The following WWOX variants were observed in gnomAD, a reference collection of about 807,000 sequenced individuals.
WWOX encodes WW domain-containing oxidoreductase.
Under a neutral mutation model 46.2 loss-of-function variants are expected in WWOX, and 69 were observed. That is an observed-to-expected ratio of 1.49 (90% CI 1.23 to 1.82). WWOX has a LOEUF of 1.82. Ranked by LOEUF, WWOX falls within the 40% of genes most tolerant of loss-of-function variation. WWOX has a pLI of 0.00. For synonymous variants in WWOX, 359 were observed against 202.6 expected (o/e 1.77, Z -6.56); for missense variants, 919 against 542.6 (o/e 1.69, Z -6.89).
rs531860162 is a variant in WWOX at position 78,538,259 on chromosome 16, G to A, written c.1056+105507G>A. On this transcript the variant is annotated intron_variant, in intron 8 of 8. Transcript: ENST00000566780. Reference sequence around the variant, plus strand: ...AAAAAAAAAAAAAGCGGGGCAAGGGGTTGGAGAATGTTCATATCACATTAT... The same window carrying A: ...AAAAAAAAAAAAAGCGGGGCAAGGGATTGGAGAATGTTCATATCACATTAT... Among the ~76,000 whole-genome samples, 8 of 143,842 alleles carry A rather than the reference G, an allele frequency of 5.6e-5. No individual in the cohort carries two copies. The South Asian group carries it at 1.7e-3, about 31-fold the overall frequency. 94.4% of individuals were successfully genotyped at this position (143,842 alleles called of 152,430 possible).
chr16:79,012,311 C>A (rs1181983457), intron 8 of WWOX, among the ~76,000 whole-genome samples: 2 of 152,086 alleles, frequency 1.3e-5, no homozygotes, highest in African/African-American at 4.8e-5. Flanking sequence ...CGACTCACTG[C>A]AACCTACACT....
At chr16:78,540,570 C>T (rs867980208) in intron 8 of WWOX, among the ~76,000 whole-genome samples, 14 of 152,074 alleles carry the variant, frequency 9.2e-5, no homozygotes, top group East Asian at 5.8e-4. Flanking sequence ...TGATATTTCC[C>T]GTGGGTCTCT....
intron 5 of WWOX, among the ~76,000 whole-genome samples, chr16:78,354,052 G>A (rs1437818716): frequency 6.6e-6 from 1 of 152,152 alleles, no homozygotes; most frequent in Non-Finnish European, 1.5e-5. Context: ...AGGGTATTAG[G>A]CAGCTTGTTT....
chr16:79,211,512 TGG>T, intron 8 of WWOX, 94 bp from the exon 9 acceptor site: 1 of 1,512,622 alleles, frequency 6.6e-7, no homozygotes, highest in South Asian at 1.2e-5. Flanking sequence ...CTGAACCAGG[TGG>T]GGGAGGCCTG....
intron 8 of WWOX, among the ~76,000 whole-genome samples, chr16:78,779,564 T>G (rs1022205608): frequency 6.6e-6 from 1 of 152,210 alleles, no homozygotes; most frequent in Non-Finnish European, 1.5e-5. Flanking sequence ...TTGTACAGAT[T>G]GTTTAACCCT....
intron 8 of WWOX, among the ~76,000 whole-genome samples, chr16:78,858,319 CAT>C (rs1045491396): frequency 6.2e-5 from 6 of 96,094 alleles, no homozygotes; most frequent in South Asian, 3.8e-4. Flanking sequence ...AATATGTAGT[CAT>C]ATATATATAT....
At chr16:79,177,722 A>G (rs12444578) in intron 8 of WWOX, among the ~76,000 whole-genome samples, 81,798 of 152,004 alleles carry the variant, frequency 0.54, 22,681 homozygotes, top group East Asian at 0.91. Flanking sequence ...AGCCTTACTT[A>G]TTCTTTTACA....
At chr16:78,400,856 C>G (rs1448166279) in intron 6 of WWOX, among the ~76,000 whole-genome samples, 1 of 152,220 alleles carries the variant, frequency 6.6e-6, no homozygotes, top group Non-Finnish European at 1.5e-5. Context: ...ATAGGGCTGG[C>G]TCTGTCACCC....
intron 8 of WWOX, among the ~76,000 whole-genome samples, chr16:78,849,569 C>G (rs1463186738): frequency 2.4e-5 from 2 of 82,124 alleles, no homozygotes; most frequent in African/African-American, 8.7e-5. Flanking sequence ...GCCTGAATCC[C>G]TCTCAAAAAA....
chr16:78,178,548 C>A (rs532811852), intron 5 of WWOX, among the ~76,000 whole-genome samples: 1 of 152,144 alleles, frequency 6.6e-6, no homozygotes, highest in Non-Finnish European at 1.5e-5. Context: ...CTTTCATACC[C>A]GGAATTCGCA....
intron 4 of WWOX, among the ~76,000 whole-genome samples, chr16:78,142,839 T>C (rs1022867879): frequency 1.3e-5 from 2 of 152,244 alleles, no homozygotes; most frequent in Non-Finnish European, 1.5e-5. Flanking sequence ...AGTAATTTAC[T>C]TAGAAACTGC....
At chr16:78,911,287 A>G (rs574860361) in intron 8 of WWOX, among the ~76,000 whole-genome samples, 31 of 152,164 alleles carry the variant, frequency 2.0e-4, no homozygotes, top group Admixed American at 5.9e-4. Context: ...TTGCTTGCCT[A>G]TGGGACATGT....
intron 6 of WWOX, among the ~76,000 whole-genome samples, chr16:78,424,120 GT>G (rs565162154): frequency 4.3e-4 from 46 of 108,060 alleles, no homozygotes; most frequent in Admixed American, 1.9e-3. Context: ...TTTTTTTTTT[GT>G]TTTTTTTTTT....
In WWOX at chr16:79,095,668, G is replaced by A. The variant is rs148982049; in HGVS notation, c.1057-115940G>A. ...TCTAACCTGGCAGGTTTTTCAACAT[G>A]GAACCATTATTTGTCACATGTGTTC... On this transcript the variant is annotated intron_variant, in intron 8 of 8. Coordinates refer to ENST00000566780, the MANE Select transcript of WWOX (RefSeq NM_016373.4). 9.9e-5 allele frequency among the ~76,000 whole-genome samples: 15 copies of A among 152,176 alleles called. No homozygotes were observed. In the East Asian group the frequency reaches 2.9e-3, roughly 29 times the overall value.
At chr16:78,965,429 G>A (rs1597214253) in intron 8 of WWOX, among the ~76,000 whole-genome samples, 1 of 152,048 alleles carries the variant, frequency 6.6e-6, no homozygotes, top group African/African-American at 2.4e-5. Context: ...AATTAGCTGG[G>A]CATGGTGGCA....
intron 4 of WWOX, among the ~76,000 whole-genome samples, chr16:78,148,227 C>T (rs899333938): frequency 1.3e-5 from 2 of 152,168 alleles, no homozygotes; most frequent in African/African-American, 4.8e-5. Context: ...CAACCAGAAA[C>T]ACTTTGGTTG....
chr16:79,029,874 C>G (rs1340214772), intron 8 of WWOX, among the ~76,000 whole-genome samples: 1 of 152,134 alleles, frequency 6.6e-6, no homozygotes, highest in African/African-American at 2.4e-5. Context: ...TTTTAACTAT[C>G]AAATAGAAAA....
At chr16:78,447,506 A>C (rs1286141472) in intron 8 of WWOX, among the ~76,000 whole-genome samples, 2 of 152,236 alleles carry the variant, frequency 1.3e-5, no homozygotes, top group African/African-American at 4.8e-5. Flanking sequence ...ATCTGTATTT[A>C]TCAGAGGTGA....
chr16:78,404,913 C>T (rs8045885), intron 6 of WWOX, among the ~76,000 whole-genome samples: 8,002 of 152,246 alleles, frequency 0.053, 720 homozygotes, highest in African/African-American at 0.18. Flanking sequence ...ATGAGACCTG[C>T]ATGTCAGATA....
Sources: gnomAD v4.1 joint callset for allele counts (sites outside exome capture counted in the v4.1 genomes callset) on GRCh38, gnomAD v4.1.1 for gene constraint, MANE v1.5 for transcripts, NCBI Gene and HGNC (gene_info 2026-07-23, HGNC 2026-07-21) for gene names.